The following SH3D19 variants were observed in gnomAD, a reference collection of about 807,000 sequenced individuals.
SH3D19 encodes the protein SH3 domain-containing protein 19.
SH3D19 carries 58 observed loss-of-function variants against 112.1 expected under a neutral mutation model. That is an observed-to-expected ratio of 0.52 (90% CI 0.42 to 0.64). The LOEUF is 0.64. Ranked by LOEUF, SH3D19 falls within the 30% of genes least tolerant of loss-of-function variation. The pLI is 0.00. For missense variants in SH3D19, 1,090 were observed against 1,263.4 expected, an observed-to-expected ratio of 0.86 and a Z score of 2.08; for synonymous variants, 391 against 448.5, an observed-to-expected ratio of 0.87 and a Z score of 1.62.
At chr4:151,298,181 ATTTTTT>A (rs386401883) in intron 1 of SH3D19, among the ~76,000 whole-genome samples, 1 of 94,886 alleles carries the variant, frequency 1.1e-5, no homozygotes, top group South Asian at 3.5e-4. Flanking sequence ...AGAATAATAA[ATTTTTT>A]TTTTTTTTTT....
At chr4:151,179,291 T>C in intron 4 of SH3D19, 64 bp downstream of exon 4, 1 of 932,702 alleles carries the variant, frequency 1.1e-6, no homozygotes, top group Non-Finnish European at 1.4e-6. Context: ...ATTTGCTACC[T>C]GATAACACAC....
chr4:151,282,215 G>T (rs375690535), intron 1 of SH3D19: 1 of 1,613,786 alleles, frequency 6.2e-7, no homozygotes, highest in African/African-American at 1.3e-5. Flanking sequence ...AAGGAAACGT[G>T]TGAAGTACTA....
intron 1 of SH3D19, chr4:151,291,113 C>G: frequency 6.2e-7 from 1 of 1,603,426 alleles, no homozygotes; most frequent in Non-Finnish European, 8.5e-7. Context: ...TCATTTCTTC[C>G]TTAGGGTGAT....
intron 1 of SH3D19, among the ~76,000 whole-genome samples, chr4:151,237,078 C>T (rs1321926111): frequency 1.3e-5 from 2 of 152,206 alleles, no homozygotes; most frequent in East Asian, 1.9e-4. Context: ...CCCTTTGGGT[C>T]TGTGTTGCCT....
At chr4:151,291,347 C>T in intron 1 of SH3D19, 1 of 1,613,870 alleles carries the variant, frequency 6.2e-7, no homozygotes, top group Non-Finnish European at 8.5e-7. Flanking sequence ...CCCTCCTGTG[C>T]CTTTGGACCT....
chr4:151,275,939 T>G (rs1204191339), intron 1 of SH3D19, among the ~76,000 whole-genome samples: 1 of 149,820 alleles, frequency 6.7e-6, no homozygotes, highest in Admixed American at 6.7e-5. Flanking sequence ...GCCTCCCGGG[T>G]TCAAGCGATT....
At chr4:151,169,172 A>G (rs1181475907) in intron 7 of SH3D19, among the ~76,000 whole-genome samples, 1 of 152,196 alleles carries the variant, frequency 6.6e-6, no homozygotes, top group Non-Finnish European at 1.5e-5. Context: ...TAACTTATGA[A>G]GTATTCAAAG....
intron 1 of SH3D19, among the ~76,000 whole-genome samples, chr4:151,294,534 G>T (rs940753191): frequency 6.6e-6 from 1 of 152,224 alleles, no homozygotes; most frequent in Admixed American, 6.5e-5. Flanking sequence ...TGCCCAGGGG[G>T]TGGTGGGGCA....
intron 1 of SH3D19, among the ~76,000 whole-genome samples, chr4:151,310,924 T>C (rs959716283): frequency 2.0e-5 from 3 of 149,824 alleles, no homozygotes; most frequent in African/African-American, 7.4e-5. Context: ...CACTGCAGCA[T>C]TATTCACAAT....
At chr4:151,124,280 A>G (rs1561182278) in intron 19 of SH3D19, among the ~76,000 whole-genome samples, 1 of 151,710 alleles carries the variant, frequency 6.6e-6, no homozygotes, top group African/African-American at 2.4e-5. Context: ...CTAATTTTGT[A>G]TTTTTTAGCA....
chr4:151,122,355 C>T (rs1579579198), intron 19 of SH3D19, 148 bp from the exon 20 acceptor site: 1 of 563,426 alleles, frequency 1.8e-6, no homozygotes, highest in Non-Finnish European at 3.1e-6. Flanking sequence ...TGATCTATAC[C>T]TAATGATGCC....
chr4:151,151,086 G>A (rs1013543810), intron 9 of SH3D19, among the ~76,000 whole-genome samples: 2 of 149,684 alleles, frequency 1.3e-5, no homozygotes, highest in Non-Finnish European at 3.0e-5. Flanking sequence ...TCAGCTTCCC[G>A]AGTGGCTGAG....
In SH3D19 at chr4:151,193,685, A is replaced by G. The variant is rs577043090; in HGVS notation, c.153-6222T>C. Among the ~76,000 whole-genome samples, 184 of 152,176 alleles carry G rather than the reference A, an allele frequency of 1.2e-3. 1 individual carries two copies. The highest frequency in any genetic ancestry group is 2.3e-3 in the Non-Finnish European group (154 of 68,024). On this transcript the variant is annotated intron_variant, in intron 2 of 19. Transcript: ENST00000604030. ...GGTTACATGACATGGAACAGATACA[A>G]CTTGGTTTGGGAAGAGGTATGGTGC...
rs1440329407 is a variant in SH3D19 at position 151,246,577 on chromosome 4, A to G, written c.113-20491T>C. Reference sequence around the variant, plus strand: ...AGGTGAGATAAATTTCCAGATAAAGATATTTATGGCACTGTTCTTTACAAT... The same window carrying G: ...AGGTGAGATAAATTTCCAGATAAAGGTATTTATGGCACTGTTCTTTACAAT... On this transcript the variant is annotated intron_variant, in intron 1 of 19. Transcript: ENST00000604030. 2.0e-5 allele frequency among the ~76,000 whole-genome samples: 3 copies of G among 152,314 alleles called. No individual in the cohort carries two copies. The East Asian group carries it at 5.8e-4, about 29-fold the overall frequency.
intron 1 of SH3D19, among the ~76,000 whole-genome samples, chr4:151,298,981 T>A (rs538240761): frequency 6.6e-6 from 1 of 152,338 alleles, no homozygotes; most frequent in Non-Finnish European, 1.5e-5. Context: ...ATCGTAGTGT[T>A]CCTCACCATC....
chr4:151,137,527 A>C (rs1046252110), intron 14 of SH3D19, among the ~76,000 whole-genome samples: 1 of 152,240 alleles, frequency 6.6e-6, no homozygotes, highest in African/African-American at 2.4e-5. Flanking sequence ...TTCAGACAGC[A>C]TTTAGGCATT....
chr4:151,172,643 G>T (rs1759280167), intron 7 of SH3D19, among the ~76,000 whole-genome samples: 1 of 152,184 alleles, frequency 6.6e-6, no homozygotes, highest in Non-Finnish European at 1.5e-5. Flanking sequence ...CCTAGGTGAG[G>T]AGTAGTATTA....
chr4:151,295,985 G>A (rs1323111627), intron 1 of SH3D19, among the ~76,000 whole-genome samples: 1 of 147,390 alleles, frequency 6.8e-6, no homozygotes, highest in African/African-American at 2.5e-5. Flanking sequence ...GCAGTGAGCT[G>A]AGATCGTACC....
chr4:151,215,748 C>T (rs1000612429), intron 2 of SH3D19, among the ~76,000 whole-genome samples: 2 of 152,116 alleles, frequency 1.3e-5, no homozygotes, highest in African/African-American at 2.4e-5. Flanking sequence ...TGCAGAGGAG[C>T]TGCTAATCAA....
Sources: gnomAD v4.1 joint callset for allele counts (sites outside exome capture counted in the v4.1 genomes callset) on GRCh38, gnomAD v4.1.1 for gene constraint, MANE v1.5 for transcripts, NCBI Gene and HGNC (gene_info 2026-07-23, HGNC 2026-07-21) for gene names.